The following TMEM273 variants were observed in gnomAD, a reference collection of about 807,000 sequenced individuals.
TMEM273 encodes chromosome 10 open reading frame 128.
Under a neutral mutation model 17.9 loss-of-function variants are expected in TMEM273, and 19 were observed. That is an observed-to-expected ratio of 1.06 (90% CI 0.74 to 1.55). The LOEUF (loss-of-function observed/expected upper bound fraction) is 1.55. Among genes scored for constraint, TMEM273 ranks in the 40% most tolerant of loss-of-function variants. The probability of loss-of-function intolerance (pLI) is 0.00; values close to 1 mark genes in which losing one functional copy is unlikely to be tolerated. For missense variants in TMEM273, 194 were observed against 155.6 expected (o/e 1.25, Z -1.31); for synonymous variants, 66 against 62.0 (o/e 1.07, Z -0.31).
At chr10:49,173,865 G>A (rs1195926161) in intron 1 of TMEM273, among the ~76,000 whole-genome samples, 2 of 152,168 alleles carry the variant, frequency 1.3e-5, no homozygotes, top group African/African-American at 2.4e-5. Flanking sequence ...GAGACAAGGG[G>A]GGGCGATAGC....
intron 1 of TMEM273, among the ~76,000 whole-genome samples, chr10:49,174,932 G>A (rs921898859): frequency 6.6e-6 from 1 of 152,160 alleles, no homozygotes; most frequent in Non-Finnish European, 1.5e-5. Flanking sequence ...TGAAAGTACA[G>A]TGATTAGCCA....
intron 1 of TMEM273, among the ~76,000 whole-genome samples, chr10:49,180,470 G>C (rs1279987458): frequency 1.3e-5 from 2 of 152,156 alleles, no homozygotes; most frequent in Non-Finnish European, 2.9e-5. Flanking sequence ...AGGATGTCAG[G>C]CTCCACCCCC....
At chr10:49,178,527 G>A (rs1267652014) in intron 1 of TMEM273, 1 of 312,798 alleles carries the variant, frequency 3.2e-6, no homozygotes, top group Admixed American at 4.0e-5. Context: ...CCTGATGGAT[G>A]TTCCCTGAGA....
intron 1 of TMEM273, among the ~76,000 whole-genome samples, chr10:49,183,407 T>C (rs753075442): frequency 1.3e-5 from 2 of 152,002 alleles, no homozygotes; most frequent in African/African-American, 2.4e-5. Context: ...AGAGGCAATA[T>C]ATTATCAAGC....
chr10:49,167,046 T>C, intron 2 of TMEM273, 37 bp from the exon 3 acceptor site: 1 of 1,608,382 alleles, frequency 6.2e-7, no homozygotes, highest in African/African-American at 1.3e-5. Flanking sequence ...CCGGTTTCAG[T>C]CACCTGCAGC....
At chr10:49,165,055 C>A in intron 5 of TMEM273, 150 bp downstream of exon 5, 1 of 1,137,622 alleles carries the variant, frequency 8.8e-7, no homozygotes, top group Non-Finnish European at 1.2e-6. Flanking sequence ...GAAGACCCTA[C>A]CCGCCCGGAG....
intron 1 of TMEM273, among the ~76,000 whole-genome samples, chr10:49,173,913 G>A (rs2132216835): frequency 6.6e-6 from 1 of 152,282 alleles, no homozygotes; most frequent in East Asian, 1.9e-4. Flanking sequence ...ACACTGTAGT[G>A]GCTCCATCTT....
intron 1 of TMEM273, among the ~76,000 whole-genome samples, chr10:49,186,085 A>AGGG (rs1367125699): frequency 6.8e-5 from 10 of 147,820 alleles, no homozygotes; most frequent in African/African-American, 2.5e-4. Flanking sequence ...GAAGAAGAAG[A>AGGG]AGAAGAAGAA....
chr10:49,186,110 G>GAAGAAGAA (rs59346438), intron 1 of TMEM273, among the ~76,000 whole-genome samples: 2,981 of 83,116 alleles, frequency 0.036, 120 homozygotes, highest in South Asian at 0.07. Context: ...AAGAAGAAGA[G>GAAGAAGAA]GAAGAAGAAG....
At chr10:49,165,378 G>C in intron 4 of TMEM273, 95 bp from the exon 5 acceptor site, 1 of 1,537,452 alleles carries the variant, frequency 6.5e-7, no homozygotes, top group Non-Finnish European at 8.8e-7. Flanking sequence ...AGAAGAGCAG[G>C]GTACCTTGAT....
Position 49,167,963 on chromosome 10 carries a change from C to T in TMEM273, c.44-1G>A. The stretch of plus-strand genomic sequence containing the variant: ...GCCAGCACTTGAGCTCCTCCTACAT[C>T]TGCAAAGAAAGAAACCCCAGAGCCT... On this transcript the variant is annotated splice_acceptor_variant, in intron 1 of 6. Transcript: ENST00000374153. LOFTEE classifies it high-confidence loss of function. 1 of 1,614,030 alleles carries T rather than the reference C, an allele frequency of 6.2e-7. No individual in the cohort carries two copies. Among genetic ancestry groups the T allele is most frequent in the Non-Finnish European group, 8.5e-7 (1 of 1,179,980 alleles).
intron 1 of TMEM273, among the ~76,000 whole-genome samples, chr10:49,181,807 A>G (rs948557629): frequency 6.8e-6 from 1 of 148,086 alleles, no homozygotes; most frequent in Non-Finnish European, 1.5e-5. Context: ...CATGCTATCA[A>G]AAGCACAGTC....
chr10:49,174,604 G>T (rs532499559), intron 1 of TMEM273, among the ~76,000 whole-genome samples: 63 of 152,260 alleles, frequency 4.1e-4, no homozygotes, highest in African/African-American at 1.4e-3. Context: ...TGCCGCTTGT[G>T]GTCCTTGCTT....
chr10:49,179,197 C>T (rs542869266), intron 1 of TMEM273, among the ~76,000 whole-genome samples: 1 of 152,298 alleles, frequency 6.6e-6, no homozygotes, highest in East Asian at 1.9e-4. Flanking sequence ...AAATGAGGGT[C>T]TAGATGTGAC....
In TMEM273 at chr10:49,178,431, G is replaced by GGGGAGT. The variant is rs1158837746; in HGVS notation, c.43+9857_43+9862dup. The GGGGAGT allele has an allele frequency of 1.5e-5, 6 of 394,432 alleles. No homozygotes were observed. In the Admixed American group the frequency reaches 1.6e-4, roughly 11 times the overall value. The allele number at this position is 394,432 out of a possible 1,614,324, so 24.4% of individuals were successfully genotyped here. ...CCCCTGACGGTGGTGACAGTACAGA[G>GGGGAGT]GGGAGTGGGAGTATCTCTATGACCC... On this transcript the variant is annotated intron_variant, in intron 1 of 6. Transcript: ENST00000374153.
intron 6 of TMEM273, chr10:49,156,293 T>C (rs745861064): frequency 3.0e-6 from 4 of 1,313,968 alleles, no homozygotes; most frequent in Admixed American, 2.3e-5. Context: ...CCTATGAGAA[T>C]AGAACTGGAA....
rs1590167967 is a variant in TMEM273 at position 49,155,502 on chromosome 10, T to A, written c.*390A>T. ...TGCCTAACTGTTGATAAGATGGCAGTGTGTAGGAAGCTGTGTGTTGGGTCG... is the reference window on the plus strand; with the variant it reads ...TGCCTAACTGTTGATAAGATGGCAGAGTGTAGGAAGCTGTGTGTTGGGTCG... On this transcript the variant is annotated 3_prime_UTR_variant, in exon 7 of 7. Transcript: ENST00000374153. The A allele has an allele frequency of 1.0e-5, 1 of 97,688 alleles. No individual in the cohort carries two copies. The highest frequency in any genetic ancestry group is 1.6e-4 in the Admixed American group (1 of 6,262). 6.1% of individuals were successfully genotyped at this position (97,688 alleles called of 1,614,324 possible). A position where few individuals can be genotyped will look rare whatever the true frequency, so the allele number is the denominator to read the frequency against.
At chr10:49,170,270 C>A (rs1440232481) in intron 1 of TMEM273, among the ~76,000 whole-genome samples, 1 of 152,120 alleles carries the variant, frequency 6.6e-6, no homozygotes, top group Non-Finnish European at 1.5e-5. Flanking sequence ...CATCAAAAGG[C>A]CCCAGCCCTG....
At chr10:49,172,054 G>C (rs1029532427) in intron 1 of TMEM273, among the ~76,000 whole-genome samples, 1 of 152,206 alleles carries the variant, frequency 6.6e-6, no homozygotes, top group African/African-American at 2.4e-5. Flanking sequence ...CTAAGTGTTT[G>C]TCAATGATGC....
Sources: gnomAD v4.1 joint callset for allele counts (sites outside exome capture counted in the v4.1 genomes callset) on GRCh38, gnomAD v4.1.1 for gene constraint, MANE v1.5 for transcripts, NCBI Gene and HGNC (gene_info 2026-07-23, HGNC 2026-07-21) for gene names.